Variants in LDB2 observed in about 807,000 individuals in gnomAD.
The protein encoded by LDB2 is LIM domain binding 2, also known as LIM domain-binding protein 2.
Under a neutral mutation model 44.3 loss-of-function variants are expected in LDB2, and 12 were observed. That is an observed-to-expected ratio of 0.27 (90% CI 0.17 to 0.44). The LOEUF (loss-of-function observed/expected upper bound fraction) is 0.44, where lower values mean the gene tolerates loss of function less well. Ranked by LOEUF, LDB2 falls within the 20% of genes least tolerant of loss-of-function variation. The pLI, the probability that LDB2 is intolerant of heterozygous loss-of-function variation, is 1.00. For synonymous variants in LDB2, 164 were observed against 174.8 expected, an observed-to-expected ratio of 0.94 and a Z score of 0.49; for missense variants, 344 against 473.5, an observed-to-expected ratio of 0.73 and a Z score of 2.54.
chr4:16,840,784 A>G (rs1785734499), intron 1 of LDB2, among the ~76,000 whole-genome samples: 1 of 152,210 alleles, frequency 6.6e-6, no homozygotes. Context: ...AAGTGTCCAG[A>G]AAACTATAGC....
intron 5 of LDB2, among the ~76,000 whole-genome samples, chr4:16,541,730 G>A (rs1473291399): frequency 6.6e-6 from 1 of 152,102 alleles, no homozygotes; most frequent in Non-Finnish European, 1.5e-5. Flanking sequence ...GATGCCACAA[G>A]GATGACCTTA....
At chr4:16,528,258 TG>T (rs1728935964) in intron 5 of LDB2, among the ~76,000 whole-genome samples, 1 of 152,184 alleles carries the variant, frequency 6.6e-6, no homozygotes. Flanking sequence ...CTGGGTTCAG[TG>T]TATACTGCTT....
intron 4 of LDB2, among the ~76,000 whole-genome samples, chr4:16,587,234 G>A (rs1055244409): frequency 6.6e-5 from 10 of 152,152 alleles, no homozygotes; most frequent in African/African-American, 9.7e-5. Context: ...AGAGCCAATC[G>A]CCAAAACCTG....
intron 2 of LDB2, among the ~76,000 whole-genome samples, chr4:16,661,614 G>A (rs1005892294): frequency 6.6e-6 from 1 of 152,104 alleles, no homozygotes; most frequent in African/African-American, 2.4e-5. Context: ...TATTAGTATG[G>A]CTATAACCAT....
At chr4:16,617,719 G>A (rs984082428) in intron 2 of LDB2, among the ~76,000 whole-genome samples, 14 of 152,170 alleles carry the variant, frequency 9.2e-5, no homozygotes, top group African/African-American at 3.4e-4. Flanking sequence ...GGTTTCTATG[G>A]TATTGTCATT....
intron 2 of LDB2, among the ~76,000 whole-genome samples, chr4:16,746,098 C>A (rs1369706854): frequency 1.3e-5 from 2 of 152,128 alleles, no homozygotes; most frequent in African/African-American, 2.4e-5. Flanking sequence ...CAAATATTGA[C>A]CATGGGCCTT....
At position 16,528,784 on chromosome 4, in the gene LDB2, C is replaced by T. The variant is rs184138991; in HGVS notation, c.616-16680G>A. ...TGGTTTGTGAGCCAATCGTAAGGGA[C>T]GTGGGCGAAGAACAGACGTATAGGG... On this transcript the variant is annotated intron_variant, in intron 5 of 7. Coordinates refer to ENST00000304523, the MANE Select transcript of LDB2 (RefSeq NM_001290.5). Among the ~76,000 whole-genome samples the T allele has an allele frequency of 1.5e-3, 226 of 152,210 alleles. 1 individual carries two copies. Among genetic ancestry groups the T allele is most frequent in the African/African-American group, 5.2e-3 (218 of 41,532 alleles).
At chr4:16,816,734 C>A (rs1781001024) in intron 1 of LDB2, among the ~76,000 whole-genome samples, 1 of 152,158 alleles carries the variant, frequency 6.6e-6, no homozygotes, top group African/African-American at 2.4e-5. Context: ...TCTCTGACAA[C>A]AGCTTCTAAC....
At chr4:16,775,273 C>T (rs28603674) in intron 1 of LDB2, among the ~76,000 whole-genome samples, 3,031 of 152,226 alleles carry the variant, frequency 0.02, 47 homozygotes, top group East Asian at 0.079. Context: ...GTGGCAGAGA[C>T]GGTCCCAAAG....
chr4:16,897,293 G>C (rs943047414), intron 1 of LDB2, among the ~76,000 whole-genome samples: 1 of 152,024 alleles, frequency 6.6e-6, no homozygotes, highest in Non-Finnish European at 1.5e-5. Flanking sequence ...TAAATCTTGT[G>C]GTATTTATAC....
chr4:16,667,573 A>G (rs1743634492), intron 2 of LDB2, among the ~76,000 whole-genome samples: 1 of 152,216 alleles, frequency 6.6e-6, no homozygotes, highest in African/African-American at 2.4e-5. Flanking sequence ...AACGCAAAAA[A>G]TTAGGCAGAG....
chr4:16,771,551 A>G (rs1454673085), intron 1 of LDB2, among the ~76,000 whole-genome samples: 1 of 152,038 alleles, frequency 6.6e-6, no homozygotes, highest in East Asian at 1.9e-4. Flanking sequence ...CCCCAACTCC[A>G]TCCCCTACAA....
rs1008095191 is a variant in LDB2, at chr4:16,828,370, G to A, written c.133-69110C>T. Among the ~76,000 whole-genome samples the A allele has an allele frequency of 3.3e-5, 5 of 152,000 alleles. No homozygotes were observed. In the East Asian group the frequency reaches 5.8e-4, roughly 18 times the overall value. On this transcript the variant is annotated intron_variant, in intron 1 of 7. Coordinates refer to ENST00000304523, the MANE Select transcript of LDB2 (RefSeq NM_001290.5). Reference sequence around the variant, plus strand: ...TCTCTGCCTTTAGGATTTTGCTTACGCTGTTTCCCTAGTCTTAAATACATT... The same window carrying A: ...TCTCTGCCTTTAGGATTTTGCTTACACTGTTTCCCTAGTCTTAAATACATT...
chr4:16,550,219 AC>A (rs1737198844), intron 5 of LDB2, among the ~76,000 whole-genome samples: 1 of 152,192 alleles, frequency 6.6e-6, no homozygotes, highest in Non-Finnish European at 1.5e-5. Flanking sequence ...TTGGCATATC[AC>A]TTTCTGTAGG....
intron 2 of LDB2, among the ~76,000 whole-genome samples, chr4:16,695,622 A>G (rs1437014718): frequency 6.6e-6 from 1 of 152,184 alleles, no homozygotes; most frequent in Non-Finnish European, 1.5e-5. Context: ...TCTGTAAAGG[A>G]TTAAATACTA....
chr4:16,574,261 A>G (rs1373764232), intron 5 of LDB2, among the ~76,000 whole-genome samples: 1 of 152,238 alleles, frequency 6.6e-6, no homozygotes, highest in Non-Finnish European at 1.5e-5. Context: ...GAAGATTTAG[A>G]CTTACTTAAC....
At chr4:16,759,955 T>C (rs944149952) in intron 1 of LDB2, among the ~76,000 whole-genome samples, 3 of 152,222 alleles carry the variant, frequency 2.0e-5, no homozygotes, top group Non-Finnish European at 4.4e-5. Context: ...ATGTTTCTCC[T>C]GCTCATGCAG....
At chr4:16,576,956 A>AT (rs1711891033) in intron 5 of LDB2, among the ~76,000 whole-genome samples, 1 of 152,242 alleles carries the variant, frequency 6.6e-6, no homozygotes, top group Non-Finnish European at 1.5e-5. Context: ...ATGATACATC[A>AT]TATCAACAGA....
intron 5 of LDB2, among the ~76,000 whole-genome samples, chr4:16,559,229 G>A (rs1741060755): frequency 6.6e-6 from 1 of 152,156 alleles, no homozygotes; most frequent in African/African-American, 2.4e-5. Context: ...AACTTTAAAT[G>A]TAAATGGACT....
Sources: allele counts gnomAD v4.1 joint callset (sites outside exome capture counted in the v4.1 genomes callset), GRCh38; gene constraint gnomAD v4.1.1; transcripts MANE v1.5; gene names NCBI Gene and HGNC (gene_info 2026-07-23, HGNC 2026-07-21).